FAM168A: variants seen among roughly 807,000 people sequenced by gnomAD.
FAM168A encodes the protein family with sequence similarity 168 member A, also known as protein FAM168A.
A neutral mutation model predicts 28.5 loss-of-function variants in FAM168A; 3 were observed. The ratio of observed to expected loss-of-function variants is 0.11; its 90% CI spans 0.05 to 0.27. FAM168A has a LOEUF of 0.27. Ranked by LOEUF, FAM168A falls within the 10% of genes least tolerant of loss-of-function variation. FAM168A has a pLI of 1.00. For missense variants in FAM168A, 222 were observed against 311.5 expected (o/e 0.71, Z 2.16); for synonymous variants, 122 against 124.2 (o/e 0.98, Z 0.12).
chr11:73,544,070 T>C (rs138433025), intron 1 of FAM168A, among the ~76,000 whole-genome samples: 1 of 152,260 alleles, frequency 6.6e-6, no homozygotes, highest in African/African-American at 2.4e-5. Context: ...AGTTTGAGGC[T>C]GCAGTGAGCT....
chr11:73,475,257 C>T (rs1867873111), intron 1 of FAM168A, among the ~76,000 whole-genome samples: 1 of 151,918 alleles, frequency 6.6e-6, no homozygotes, highest in African/African-American at 2.4e-5. Flanking sequence ...TGGTAAAATT[C>T]TTTGAAAAAT....
At chr11:73,449,219 C>G (rs1165723269) in intron 2 of FAM168A, among the ~76,000 whole-genome samples, 1 of 152,218 alleles carries the variant, frequency 6.6e-6, no homozygotes, top group African/African-American at 2.4e-5. Context: ...ATCCTCTTGC[C>G]TCAGCCTCCC....
chr11:73,427,000 A>T (rs1023175120), intron 3 of FAM168A, among the ~76,000 whole-genome samples: 34 of 151,492 alleles, frequency 2.2e-4, no homozygotes, highest in African/African-American at 5.8e-4. Context: ...TTATTTATTT[A>T]TTTTTTTTGA....
At chr11:73,419,428 G>A (rs983669980) in intron 4 of FAM168A, among the ~76,000 whole-genome samples, 1 of 152,170 alleles carries the variant, frequency 6.6e-6, no homozygotes, top group Non-Finnish European at 1.5e-5. Context: ...AGAGGCCAGG[G>A]ATGCTGTTAA....
At chr11:73,464,403 T>C (rs2134569952) in intron 2 of FAM168A, among the ~76,000 whole-genome samples, 1 of 152,170 alleles carries the variant, frequency 6.6e-6, no homozygotes, top group Non-Finnish European at 1.5e-5. Flanking sequence ...TTCCTAGCCT[T>C]CTAACCTTGA....
At chr11:73,410,807 A>G (rs1866595349) in intron 5 of FAM168A, 1 of 152,334 alleles carries the variant, frequency 6.6e-6, no homozygotes, top group Non-Finnish European at 1.5e-5. Context: ...TGGGTGTGCT[A>G]GAGCCCCATA....
chr11:73,507,660 T>C (rs1207589184), intron 1 of FAM168A, among the ~76,000 whole-genome samples: 3 of 152,212 alleles, frequency 2.0e-5, no homozygotes, highest in African/African-American at 7.2e-5. Context: ...ATATCTACCA[T>C]ATACATGCCA....
chr11:73,512,138 G>A (rs966096409), intron 1 of FAM168A, among the ~76,000 whole-genome samples: 2 of 151,932 alleles, frequency 1.3e-5, no homozygotes, highest in African/African-American at 2.4e-5. Context: ...TACTATATAA[G>A]GAATGAAAAA....
chr11:73,557,707 A>T (rs1405678097), intron 1 of FAM168A, among the ~76,000 whole-genome samples: 1 of 152,188 alleles, frequency 6.6e-6, no homozygotes, highest in Non-Finnish European at 1.5e-5. Context: ...ACAAACAGCA[A>T]AAATAATCTT....
chr11:73,574,740 T>C (rs75005838), intron 1 of FAM168A, among the ~76,000 whole-genome samples: 1 of 145,686 alleles, frequency 6.9e-6, no homozygotes, highest in East Asian at 1.9e-4. Context: ...TTTTTTTTTT[T>C]TTTAGTAGAG....
chr11:73,498,184 T>C (rs1854932634), intron 1 of FAM168A, among the ~76,000 whole-genome samples: 2 of 151,752 alleles, frequency 1.3e-5, no homozygotes, highest in Non-Finnish European at 2.9e-5. Context: ...ACATAATAAG[T>C]ATGTGAATCC....
At chr11:73,568,755 T>C (rs887137222) in intron 1 of FAM168A, among the ~76,000 whole-genome samples, 1 of 151,804 alleles carries the variant, frequency 6.6e-6, no homozygotes, top group Admixed American at 6.6e-5. Context: ...ATTAGCTGGG[T>C]ATGGTGGTGG....
intron 2 of FAM168A, among the ~76,000 whole-genome samples, chr11:73,448,300 C>A (rs1183930520): frequency 6.6e-6 from 1 of 152,204 alleles, no homozygotes; most frequent in Non-Finnish European, 1.5e-5. Context: ...CCCGCCTCAG[C>A]CTCCCAAAGT....
intron 4 of FAM168A, among the ~76,000 whole-genome samples, chr11:73,419,099 C>T (rs369253493): frequency 1.7e-4 from 26 of 152,262 alleles, no homozygotes; most frequent in South Asian, 6.2e-4. Flanking sequence ...CATGAGCCAC[C>T]GCGCCCGGCT....
intron 2 of FAM168A, among the ~76,000 whole-genome samples, chr11:73,457,723 CAAAAAAAAAAAA>C (rs58142151): frequency 9.1e-4 from 34 of 37,544 alleles, no homozygotes; most frequent in Middle Eastern, 0.036. Flanking sequence ...GCCTGGGTGA[CAAAAAAAAAAAA>C]AAAAAAAAAA....
intron 1 of FAM168A, among the ~76,000 whole-genome samples, chr11:73,545,013 T>TATAAAATATATTATATA (rs1272015586): frequency 2.6e-5 from 2 of 78,430 alleles, no homozygotes; most frequent in African/African-American, 1.9e-4. Context: ...ATATACTATA[T>TATAAAATATATTATATA]ATATAGTATA....
At chr11:73,432,988 T>C (rs1182549147) in intron 2 of FAM168A, among the ~76,000 whole-genome samples, 2 of 151,892 alleles carry the variant, frequency 1.3e-5, no homozygotes, top group African/African-American at 4.8e-5. Context: ...CATAGCTCAC[T>C]GTAGCTTCCA....
chr11:73,497,020 C>A (rs931499123), intron 1 of FAM168A, among the ~76,000 whole-genome samples: 5 of 152,114 alleles, frequency 3.3e-5, no homozygotes, highest in African/African-American at 4.8e-5. Flanking sequence ...GAAAAATGGC[C>A]GAATTCAGAA....
chr11:73,581,225 T>G (rs1944240696), intron 1 of FAM168A, among the ~76,000 whole-genome samples: 1 of 152,220 alleles, frequency 6.6e-6, no homozygotes, highest in South Asian at 2.1e-4. Flanking sequence ...AGAAGGGAGT[T>G]TGAAAGTTGT....
Sources: gnomAD v4.1 joint callset for allele counts (sites outside exome capture counted in the v4.1 genomes callset) on GRCh38, gnomAD v4.1.1 for gene constraint, MANE v1.5 for transcripts, NCBI Gene and HGNC (gene_info 2026-07-23, HGNC 2026-07-21) for gene names.